FBXW11: variants seen among roughly 807,000 people sequenced by gnomAD.
The protein encoded by FBXW11 is F-box and WD repeat domain containing 11, also known as F-box/WD repeat-containing protein 11.
FBXW11 carries 19 observed loss-of-function variants against 77.6 expected under a neutral mutation model. The ratio of observed to expected loss-of-function variants is 0.24; its 90% CI spans 0.17 to 0.36. The LOEUF (loss-of-function observed/expected upper bound fraction) is 0.36. FBXW11 is among the 10% of genes least tolerant of loss of function. The pLI is 1.00. For missense variants in FBXW11, 334 were observed against 704.2 expected (o/e 0.47, Z 5.95); for synonymous variants, 235 against 249.4 (o/e 0.94, Z 0.54).
intron 2 of FBXW11, among the ~76,000 whole-genome samples, chr5:171,916,992 A>ATCAC (rs1242530380): frequency 6.6e-6 from 1 of 152,106 alleles, no homozygotes; most frequent in East Asian, 1.9e-4. Context: ...GTGATCTCAA[A>ATCAC]TCACTGCAAC....
chr5:171,871,524 G>A (rs1165226045), intron 10 of FBXW11, among the ~76,000 whole-genome samples: 2 of 152,130 alleles, frequency 1.3e-5, no homozygotes, highest in Non-Finnish European at 2.9e-5. Flanking sequence ...CTAGGTACAC[G>A]CAGTGTTCTG....
chr5:171,872,758 T>C lies in FBXW11; in HGVS notation c.1340+114A>G, dbSNP rs1384330482. 9.2e-6 allele frequency: 7 copies of C among 763,360 alleles called. No individual in the cohort carries two copies. In the African/African-American group the frequency reaches 1.2e-4, roughly 13 times the overall value. 47.3% of individuals were successfully genotyped at this position (763,360 alleles called of 1,614,324 possible). A position where few individuals can be genotyped will look rare whatever the true frequency, so the allele number is the denominator to read the frequency against. On this transcript the variant is annotated intron_variant, in intron 10 of 13. Coordinates refer to ENST00000517395, the MANE Select transcript of FBXW11 (RefSeq NM_001378974.1). The stretch of plus-strand genomic sequence containing the variant: ...CATTTCTAAAAGTTACCTAAAGCTT[T>C]CTTATCTGAAACATCCCATTTACCC...
At position 171,878,143 on chromosome 5, in the gene FBXW11, A is replaced by G. The variant is rs780680097; in HGVS notation, c.853-14T>C. On this transcript the variant is annotated splice_polypyrimidine_tract_variant and intron_variant, in intron 7 of 13. Transcript: ENST00000517395. ...TTTATCCCATATCTATTGAGACAAG[A>G]TTAGCCACAAACGATGATTAATTAT... is the stretch of plus-strand genomic sequence containing the variant. The G allele has an allele frequency of 8.4e-6, 13 of 1,553,688 alleles. No homozygotes were observed. Among genetic ancestry groups the G allele is most frequent in the East Asian group, 2.2e-5 (1 of 44,566 alleles).
Position 171,899,929 on chromosome 5 carries a change from G to A in FBXW11, c.608C>T (p.Ser203Leu). ...AAGTACTTACCACCCTCTTCTTTCT[G>A]AAAGTCCTTTCCATAGGGGATCAGT... ...VRTDPLWKGLSERRGWDQYLF... is the reference protein window; with the variant it reads ...VRTDPLWKGLLERRGWDQYLF... Residue 203 changes from serine to leucine, a missense_variant, in exon 5 of 14, where the codon TCA (serine) becomes TTA (leucine). Coordinates refer to ENST00000517395, the MANE Select transcript of FBXW11 (RefSeq NM_001378974.1). 1 of 1,607,316 alleles carries A rather than the reference G, an allele frequency of 6.2e-7. No individual in the cohort carries two copies. The highest frequency in any genetic ancestry group is 2.2e-5 in the East Asian group (1 of 44,604).
intron 4 of FBXW11, among the ~76,000 whole-genome samples, chr5:171,906,425 TA>T (rs1760527494): frequency 6.6e-6 from 1 of 152,176 alleles, no homozygotes; most frequent in Admixed American, 6.5e-5. Flanking sequence ...CTTTTTTCCA[TA>T]AAACACCCAG....
At chr5:171,979,819 C>T (rs527918683) in intron 1 of FBXW11, among the ~76,000 whole-genome samples, 3 of 152,250 alleles carry the variant, frequency 2.0e-5, no homozygotes, top group South Asian at 2.1e-4. Flanking sequence ...AGCTTAGCCA[C>T]GAGAGTACAC....
chr5:171,893,061 CTAATT>C (rs776280455), intron 6 of FBXW11, among the ~76,000 whole-genome samples: 3 of 152,098 alleles, frequency 2.0e-5, no homozygotes, highest in Non-Finnish European at 4.4e-5. Context: ...TGTTTTGTAG[CTAATT>C]TAATCGTGAC....
chr5:171,919,228 T>C (rs998652774), intron 2 of FBXW11, among the ~76,000 whole-genome samples: 4 of 152,164 alleles, frequency 2.6e-5, no homozygotes, highest in Non-Finnish European at 5.9e-5. Context: ...AAGCCATATA[T>C]ATACAGCTGA....
chr5:171,905,589 A>ACCG (rs1561669327), intron 4 of FBXW11, among the ~76,000 whole-genome samples: 8 of 111,150 alleles, frequency 7.2e-5, no homozygotes, highest in African/African-American at 1.2e-4. Flanking sequence ...CAAAAAGCTA[A>ACCG]CCCCCCCCCC....
At chr5:171,980,851 C>A (rs1412731140) in intron 1 of FBXW11, among the ~76,000 whole-genome samples, 1 of 152,138 alleles carries the variant, frequency 6.6e-6, no homozygotes. Flanking sequence ...ATTACTGGCA[C>A]AAAAGCGAAA....
intron 2 of FBXW11, among the ~76,000 whole-genome samples, chr5:171,939,976 A>C (rs1324917156): frequency 6.6e-6 from 1 of 151,844 alleles, no homozygotes; most frequent in Non-Finnish European, 1.5e-5. Context: ...TTATAATTCC[A>C]AAAAAAAGTA....
At chr5:171,919,872 C>T (rs947410679) in intron 2 of FBXW11, among the ~76,000 whole-genome samples, 1 of 152,104 alleles carries the variant, frequency 6.6e-6, no homozygotes, top group Admixed American at 6.6e-5. Context: ...AAAGAAAACA[C>T]AGGCTGGGCG....
chr5:171,981,482 T>A (rs1765143286), intron 1 of FBXW11, among the ~76,000 whole-genome samples: 1 of 152,044 alleles, frequency 6.6e-6, no homozygotes, highest in Non-Finnish European at 1.5e-5. Flanking sequence ...GCACCTTAAG[T>A]GGGGGCAGTC....
intron 4 of FBXW11, chr5:171,909,007 C>T (rs1293317390): frequency 6.6e-6 from 1 of 152,234 alleles, no homozygotes; most frequent in East Asian, 1.9e-4. Context: ...GCAATTTTAA[C>T]CACACACTAC....
chr5:172,001,329 T>C (rs145436872), intron 1 of FBXW11, among the ~76,000 whole-genome samples: 1,689 of 152,282 alleles, frequency 0.011, 19 homozygotes, highest in Non-Finnish European at 0.016. Context: ...ATAAGTCCCA[T>C]AAAAATTTGG....
chr5:171,958,656 A>C (rs1425678754), intron 1 of FBXW11, among the ~76,000 whole-genome samples: 2 of 152,256 alleles, frequency 1.3e-5, no homozygotes, highest in Non-Finnish European at 2.9e-5. Flanking sequence ...ATATAAAATG[A>C]ACATATGTAC....
chr5:171,988,337 A>G (rs1317271461), intron 1 of FBXW11, among the ~76,000 whole-genome samples: 1 of 145,404 alleles, frequency 6.9e-6, no homozygotes, highest in Non-Finnish European at 1.5e-5. Context: ...AAGGGAAAAC[A>G]AACAAACAAA....
intron 7 of FBXW11, among the ~76,000 whole-genome samples, chr5:171,878,428 CACTG>C (rs1402334562): frequency 6.6e-6 from 1 of 152,138 alleles, no homozygotes. Context: ...AGAATTCGCT[CACTG>C]ACTGGGTGCT....
intron 7 of FBXW11, among the ~76,000 whole-genome samples, chr5:171,878,701 A>G (rs1758302086): frequency 6.6e-6 from 1 of 151,298 alleles, no homozygotes; most frequent in African/African-American, 2.4e-5. Flanking sequence ...GAGGTGACAG[A>G]ATTGCTTGAG....
Sources: gnomAD v4.1 joint callset for allele counts (sites outside exome capture counted in the v4.1 genomes callset) on GRCh38, gnomAD v4.1.1 for gene constraint, MANE v1.5 for transcripts, NCBI Gene and HGNC (gene_info 2026-07-23, HGNC 2026-07-21) for gene names.